P4HA1: variants seen among roughly 807,000 people sequenced by gnomAD.
P4HA1 encodes the protein prolyl 4-hydroxylase subunit alpha-1.
In P4HA1, 24 loss-of-function variants were observed where a neutral mutation model predicts 72.8. The observed-to-expected ratio is 0.33, with a 90% confidence interval of 0.24 to 0.46. The LOEUF (loss-of-function observed/expected upper bound fraction) is 0.46. P4HA1 is among the 20% of genes least tolerant of loss of function. The pLI is 1.00. For missense variants in P4HA1, 446 were observed against 640.6 expected (o/e 0.70, Z 3.28); for synonymous variants, 201 against 218.8 (o/e 0.92, Z 0.72).
At chr10:73,086,507 TATAA>T (rs1310914421) in intron 1 of P4HA1, among the ~76,000 whole-genome samples, 1 of 152,224 alleles carries the variant, frequency 6.6e-6, no homozygotes, top group African/African-American at 2.4e-5. Context: ...TTTGGAGTGA[TATAA>T]ATGTTTTAAA....
intron 5 of P4HA1, among the ~76,000 whole-genome samples, chr10:73,064,290 C>T (rs2133118442): frequency 6.6e-6 from 1 of 152,116 alleles, no homozygotes; most frequent in Middle Eastern, 3.4e-3. Flanking sequence ...GCCTGGATAA[C>T]ATGGCAAAAC....
At chr10:73,039,854 CTTTTTTTTTTT>C (rs765288935) in intron 9 of P4HA1, among the ~76,000 whole-genome samples, 3 of 86,998 alleles carry the variant, frequency 3.4e-5, no homozygotes, top group Admixed American at 1.3e-4. Context: ...CTGAGATGGC[CTTTTTTTTTTT>C]TTTTTTTTTT....
intron 8 of P4HA1, 45 bp downstream of exon 8, chr10:73,046,880 C>A: frequency 7.5e-7 from 1 of 1,336,542 alleles, no homozygotes. Flanking sequence ...AAAATTGATA[C>A]AAAGGTACAG....
At chr10:73,024,037 A>T (rs1396504140) in intron 10 of P4HA1, among the ~76,000 whole-genome samples, 7 of 152,152 alleles carry the variant, frequency 4.6e-5, no homozygotes, top group South Asian at 4.1e-4. Flanking sequence ...ACACAATAAT[A>T]ATGAGAGACT....
At chr10:73,043,926 G>T (rs749193828) in intron 9 of P4HA1, 3 of 1,613,178 alleles carry the variant, frequency 1.9e-6, no homozygotes, top group South Asian at 1.1e-5. Context: ...CAATTTTCCA[G>T]TCTCAGGGTC....
chr10:73,059,181 T>C (rs1000056416), intron 5 of P4HA1, among the ~76,000 whole-genome samples: 3 of 151,664 alleles, frequency 2.0e-5, no homozygotes, highest in Admixed American at 6.6e-5. Context: ...AATGGTCACA[T>C]AGAAAAAGGA....
intron 4 of P4HA1, among the ~76,000 whole-genome samples, chr10:73,069,805 T>G (rs1043971825): frequency 6.7e-6 from 1 of 148,334 alleles, no homozygotes; most frequent in African/African-American, 2.6e-5. Flanking sequence ...TATAATCAAC[T>G]GTTTTGTTTT....
Position 73,051,057 on chromosome 10 carries a change from T to G in P4HA1, c.896A>C (p.Lys299Thr). ...CAATTGGCTTTTCCACTTTACCATT[T>G]TGATACCCTCCCCACGGCACAGCAT... is the stretch of plus-strand genomic sequence containing the variant. The part of the protein sequence containing the change: ...YEMLCRGEGI[K>T]MTPRRQKKLF... Residue 299 changes from lysine to threonine, a missense_variant, in exon 7 of 15, where the codon AAA becomes ACA. Coordinates refer to ENST00000394890, the MANE Select transcript of P4HA1 (RefSeq NM_001017962.3). The G allele has an allele frequency of 6.2e-7, 1 of 1,612,912 alleles. No homozygotes were observed. Among genetic ancestry groups the G allele is most frequent in the Non-Finnish European group, 8.5e-7 (1 of 1,179,298 alleles).
chr10:73,087,604 T>C (rs543259257), intron 1 of P4HA1, among the ~76,000 whole-genome samples: 1 of 152,174 alleles, frequency 6.6e-6, no homozygotes, highest in South Asian at 2.1e-4. Flanking sequence ...CTGCTGTTCA[T>C]ACACCTTCCT....
intron 1 of P4HA1, among the ~76,000 whole-genome samples, chr10:73,092,082 C>A (rs1836487087): frequency 6.6e-6 from 1 of 152,128 alleles, no homozygotes; most frequent in South Asian, 2.1e-4. Flanking sequence ...AATGCCAGAT[C>A]CAAATTTCTC....
chr10:73,066,629 C>T (rs757523892), intron 5 of P4HA1, among the ~76,000 whole-genome samples: 5 of 151,962 alleles, frequency 3.3e-5, no homozygotes, highest in African/African-American at 9.7e-5. Flanking sequence ...GTGATCCTCC[C>T]GTGATATGGT....
chr10:73,033,034 T>C (rs1323022021), intron 9 of P4HA1, among the ~76,000 whole-genome samples: 2 of 151,594 alleles, frequency 1.3e-5, no homozygotes, highest in Non-Finnish European at 2.9e-5. Flanking sequence ...GTAAAGAATA[T>C]AGCTGATTAA....
chr10:73,063,755 T>C (rs997642895), intron 5 of P4HA1, among the ~76,000 whole-genome samples: 17 of 152,208 alleles, frequency 1.1e-4, no homozygotes, highest in African/African-American at 2.9e-4. Flanking sequence ...ATGGCAGAGA[T>C]AGTAGAAGAT....
At chr10:73,074,667 T>A in intron 2 of P4HA1, 141 bp downstream of exon 2, 1 of 586,434 alleles carries the variant, frequency 1.7e-6, no homozygotes, top group African/African-American at 1.9e-5. Context: ...GTCAAATTAT[T>A]AAAAAAGGAC....
chr10:73,045,787 T>C (rs1027370060), intron 8 of P4HA1, among the ~76,000 whole-genome samples: 1 of 151,742 alleles, frequency 6.6e-6, no homozygotes, highest in Non-Finnish European at 1.5e-5. Context: ...GATCTCCAAG[T>C]TGAAATGAAT....
intron 5 of P4HA1, among the ~76,000 whole-genome samples, chr10:73,063,288 C>T (rs1268586362): frequency 2.6e-5 from 4 of 152,216 alleles, no homozygotes; most frequent in African/African-American, 9.7e-5. Flanking sequence ...CTTGTTGCTG[C>T]ATCCTCCAGA....
chr10:73,042,540 C>T (rs1840761565), intron 9 of P4HA1, among the ~76,000 whole-genome samples: 2 of 152,088 alleles, frequency 1.3e-5, no homozygotes, highest in East Asian at 3.8e-4. Context: ...AAAATGATTA[C>T]TTTAAATGTA....
intron 1 of P4HA1, among the ~76,000 whole-genome samples, chr10:73,093,660 G>A (rs1172073900): frequency 1.3e-5 from 2 of 150,552 alleles, no homozygotes; most frequent in African/African-American, 2.4e-5. Flanking sequence ...TGGTTAACAC[G>A]GTGTAACCCC....
chr10:73,087,104 CA>C (rs1841939016), intron 1 of P4HA1, among the ~76,000 whole-genome samples: 1 of 151,936 alleles, frequency 6.6e-6, no homozygotes, highest in African/African-American at 2.4e-5. Context: ...CTTCCAACAG[CA>C]AAGGATGAAA....
Sources: allele counts gnomAD v4.1 joint callset (sites outside exome capture counted in the v4.1 genomes callset), GRCh38; gene constraint gnomAD v4.1.1; transcripts MANE v1.5; gene names NCBI Gene and HGNC (gene_info 2026-07-23, HGNC 2026-07-21).